The following PTPRD variants were observed in gnomAD, a reference collection of about 807,000 sequenced individuals.
PTPRD encodes the protein receptor-type tyrosine-protein phosphatase delta.
In PTPRD, 34 loss-of-function variants were observed where a neutral mutation model predicts 214.5. That is an observed-to-expected ratio of 0.16 (90% CI 0.12 to 0.21). PTPRD has a LOEUF of 0.21. Among genes scored for constraint, PTPRD ranks in the 10% least tolerant of loss-of-function variants. PTPRD has a pLI of 1.00. For synonymous variants in PTPRD, 1,128 were observed against 845.7 expected, an observed-to-expected ratio of 1.33 and a Z score of -5.79; for missense variants, 2,545 against 2,398.7, an observed-to-expected ratio of 1.06 and a Z score of -1.27.
chr9:9,673,917 T>C (rs2096879673), intron 7 of PTPRD, among the ~76,000 whole-genome samples: 1 of 151,734 alleles, frequency 6.6e-6, no homozygotes. Flanking sequence ...ACTCCCAATA[T>C]AGAACACTAT....
At chr9:9,112,709 T>A (rs1355586137) in intron 10 of PTPRD, among the ~76,000 whole-genome samples, 1 of 152,152 alleles carries the variant, frequency 6.6e-6, no homozygotes, top group Non-Finnish European at 1.5e-5. Context: ...ATGTGCAGGC[T>A]TAAAATCACA....
chr9:9,772,238 G>A (rs548271265), intron 5 of PTPRD, among the ~76,000 whole-genome samples: 9 of 152,032 alleles, frequency 5.9e-5, no homozygotes, highest in Admixed American at 2.0e-4. Context: ...GGCCATCTAC[G>A]AGACAAGGAG....
At chr9:9,741,767 C>T (rs576785959) in intron 6 of PTPRD, among the ~76,000 whole-genome samples, 4 of 152,090 alleles carry the variant, frequency 2.6e-5, no homozygotes, top group Non-Finnish European at 5.9e-5. Flanking sequence ...CATCCATGTC[C>T]CTGCAAATGA....
chr9:9,537,625 A>C (rs564701300), intron 8 of PTPRD, among the ~76,000 whole-genome samples: 6 of 151,980 alleles, frequency 3.9e-5, no homozygotes, highest in Admixed American at 3.3e-4. Context: ...GTTCAATAGA[A>C]TTCCCAGTGA....
chr9:9,276,000 T>A (rs1157772079), intron 9 of PTPRD, among the ~76,000 whole-genome samples: 1 of 151,364 alleles, frequency 6.6e-6, no homozygotes, highest in Non-Finnish European at 1.5e-5. Context: ...GAATTTATTA[T>A]AACAAATTTC....
intron 11 of PTPRD, among the ~76,000 whole-genome samples, chr9:8,828,097 G>A (rs1033907001): frequency 7.9e-5 from 12 of 152,162 alleles, no homozygotes; most frequent in Non-Finnish European, 1.2e-4. Context: ...CACAGATGAA[G>A]AGCTGGATGC....
At chr9:8,683,404 G>A (rs1471188070) in intron 12 of PTPRD, among the ~76,000 whole-genome samples, 1 of 150,230 alleles carries the variant, frequency 6.7e-6, no homozygotes, top group African/African-American at 2.5e-5. Context: ...AAAAAAAAGT[G>A]TATACATAAG....
chr9:8,712,007 T>G (rs1027188065), intron 12 of PTPRD, among the ~76,000 whole-genome samples: 18 of 152,238 alleles, frequency 1.2e-4, no homozygotes, highest in Admixed American at 7.9e-4. Flanking sequence ...AACTGCTACA[T>G]GTAATTGTAG....
At chr9:8,921,769 C>G (rs776904104) in intron 11 of PTPRD, among the ~76,000 whole-genome samples, 1 of 152,128 alleles carries the variant, frequency 6.6e-6, no homozygotes, top group East Asian at 1.9e-4. Context: ...GTTGGGATTA[C>G]AGGAGTGAGC....
chr9:10,592,343 CATT>C (rs2132956669), intron 2 of PTPRD, among the ~76,000 whole-genome samples: 1 of 152,116 alleles, frequency 6.6e-6, no homozygotes, highest in Admixed American at 6.6e-5. Flanking sequence ...TAAACTTACT[CATT>C]ATTATCACCA....
intron 10 of PTPRD, among the ~76,000 whole-genome samples, chr9:9,071,328 C>T (rs1305254958): frequency 2.0e-5 from 3 of 152,114 alleles, no homozygotes; most frequent in Non-Finnish European, 4.4e-5. Context: ...TGCAGATATG[C>T]AATTTAGATG....
rs1480294576 is a variant in PTPRD at position 8,713,540 on chromosome 9, A to T, written c.64+20240T>A. On this transcript the variant is annotated intron_variant, in intron 12 of 45. Transcript: ENST00000381196. ...GAGAAGTCCCCGCTGCGGGTGAAGA[A>T]CTTCGGGATCTGGCTGCGCTGTGAC... is the stretch of plus-strand genomic sequence containing the variant. 1.6e-5 allele frequency: 21 copies of T among 1,304,008 alleles called. No individual in the cohort carries two copies. In the Admixed American group the frequency reaches 3.6e-4, roughly 22 times the overall value. 80.8% of individuals were successfully genotyped at this position (1,304,008 alleles called of 1,614,324 possible).
chr9:10,365,257 G>A (rs572217172), intron 2 of PTPRD, among the ~76,000 whole-genome samples: 2 of 152,162 alleles, frequency 1.3e-5, no homozygotes, highest in East Asian at 3.9e-4. Flanking sequence ...ATGTTAAGTT[G>A]TCCACTCTGC....
chr9:9,959,876 C>T (rs1477690025), intron 4 of PTPRD, among the ~76,000 whole-genome samples: 3 of 152,038 alleles, frequency 2.0e-5, no homozygotes, highest in Non-Finnish European at 4.4e-5. Context: ...TTGGTATGAA[C>T]TCATATTTAG....
intron 4 of PTPRD, among the ~76,000 whole-genome samples, chr9:10,016,670 G>GGT (rs1555471932): frequency 4.7e-5 from 7 of 148,594 alleles, no homozygotes; most frequent in Admixed American, 1.3e-4. Context: ...CCTCCTGTGG[G>GGT]TTGTTTTTTT....
intron 5 of PTPRD, among the ~76,000 whole-genome samples, chr9:9,900,641 G>GTTTTTTTTTTTGTTTGTTT (rs367877727): frequency 8.3e-6 from 1 of 120,086 alleles, no homozygotes; most frequent in African/African-American, 3.1e-5. Context: ...ACATTTTCAG[G>GTTTTTTTTTTTGTTTGTTT]TTTTTTTTTT....
chr9:10,403,056 T>G (rs547577640), intron 2 of PTPRD, among the ~76,000 whole-genome samples: 95 of 151,232 alleles, frequency 6.3e-4, no homozygotes, highest in Non-Finnish European at 1.2e-3. Context: ...ACATAAATAG[T>G]TTCAGTCCAG....
chr9:9,763,558 C>G (rs921223621), intron 6 of PTPRD, among the ~76,000 whole-genome samples: 11 of 152,072 alleles, frequency 7.2e-5, no homozygotes, highest in East Asian at 1.9e-4. Context: ...TATTTTGTTT[C>G]CCATTATCAT....
Position 8,316,501 on chromosome 9 carries a change from A to G in PTPRD, c.*1373T>C, listed in dbSNP as rs1821870630. 1 of 230,670 alleles carries G rather than the reference A, an allele frequency of 4.3e-6. No individual in the cohort carries two copies. The highest frequency in any genetic ancestry group is 5.7e-5 in the Admixed American group (1 of 17,666). The allele number at this position is 230,670 out of a possible 1,614,324, so 14.3% of individuals were successfully genotyped here. ...GCAAATTTCATAGCACATACTATAGACAATATACGATTGAATACACTTTTT... is the reference window on the plus strand; with the variant it reads ...GCAAATTTCATAGCACATACTATAGGCAATATACGATTGAATACACTTTTT... On this transcript the variant is annotated 3_prime_UTR_variant, in exon 46 of 46. Transcript: ENST00000381196.
Sources: allele counts gnomAD v4.1 joint callset (sites outside exome capture counted in the v4.1 genomes callset), GRCh38; gene constraint gnomAD v4.1.1; transcripts MANE v1.5; gene names NCBI Gene and HGNC (gene_info 2026-07-23, HGNC 2026-07-21).